The following MYO3A variants were observed in gnomAD, a reference collection of about 807,000 sequenced individuals.
MYO3A encodes myosin-IIIa.
A neutral mutation model predicts 192.7 loss-of-function variants in MYO3A; 180 were observed. The observed-to-expected ratio is 0.93, with a 90% confidence interval of 0.83 to 1.06. The LOEUF (loss-of-function observed/expected upper bound fraction) is 1.06. Among genes scored for constraint, MYO3A ranks in the 50% least tolerant of loss-of-function variants. The probability of loss-of-function intolerance (pLI) is 0.00; values close to 1 mark genes in which losing one functional copy is unlikely to be tolerated. For missense variants in MYO3A, 1,896 were observed against 1,905.0 expected (o/e 1.00, Z 0.09); for synonymous variants, 628 against 645.3 (o/e 0.97, Z 0.41).
intron 26 of MYO3A, among the ~76,000 whole-genome samples, chr10:26,159,435 C>T (rs1841366610): frequency 6.7e-6 from 1 of 148,926 alleles, no homozygotes; most frequent in South Asian, 2.1e-4. Context: ...TCTTGGCTCA[C>T]TGCAAGCTCC....
intron 14 of MYO3A, among the ~76,000 whole-genome samples, chr10:26,080,613 G>A (rs1263320432): frequency 1.4e-5 from 2 of 140,048 alleles, no homozygotes; most frequent in East Asian, 4.3e-4. Context: ...GGCGGGGGTG[G>A]GTGTTGAAGA....
chr10:26,007,217 T>C (rs1841285763), intron 6 of MYO3A, among the ~76,000 whole-genome samples: 1 of 150,264 alleles, frequency 6.7e-6, no homozygotes, highest in South Asian at 2.1e-4. Context: ...AATTAGGGAT[T>C]GATTGGACGT....
intron 17 of MYO3A, among the ~76,000 whole-genome samples, chr10:26,113,487 A>AAAC (rs398045922): frequency 6.6e-6 from 1 of 150,562 alleles, no homozygotes; most frequent in Non-Finnish European, 1.5e-5. Context: ...AAAAAAAAAA[A>AAAC]CAAAAAAAAA....
At position 26,068,798 on chromosome 10, in the gene MYO3A, T is replaced by G; in HGVS notation, c.1084T>G (p.Tyr362Asp). Reference sequence around the variant, plus strand: ...AGTCTCAGAGCAACTTGAGAAGTGTTATTCCAGAGATCAGATCTACGTCTA... The same window carrying G: ...AGTCTCAGAGCAACTTGAGAAGTGTGATTCCAGAGATCAGATCTACGTCTA... ...NTVSEQLEKC[Y>D]SRDQIYVYVG... is the part of the protein sequence containing the mutation. The change falls in exon 12 of 35, where the codon TAT becomes GAT. Residue 362 changes from tyrosine to aspartate, a missense_variant. Physicochemically the swap from Tyr to Asp is radical, Grantham distance 160 (BLOSUM62 -3). Coordinates refer to ENST00000642920, the MANE Select transcript of MYO3A (RefSeq NM_017433.5). The G allele has an allele frequency of 6.3e-7, 1 of 1,593,424 alleles. No homozygotes were observed. Among genetic ancestry groups the G allele is most frequent in the Non-Finnish European group, 8.6e-7 (1 of 1,161,374 alleles).
At chr10:26,210,951 C>T (rs1453896867) in intron 34 of MYO3A, among the ~76,000 whole-genome samples, 1 of 151,266 alleles carries the variant, frequency 6.6e-6, no homozygotes, top group Non-Finnish European at 1.5e-5. Context: ...GCCTTTCCAA[C>T]CACCCTGTAT....
intron 26 of MYO3A, among the ~76,000 whole-genome samples, chr10:26,161,919 T>C (rs745912021): frequency 6.6e-6 from 1 of 152,186 alleles, no homozygotes; most frequent in Non-Finnish European, 1.5e-5. Flanking sequence ...AGCAAACGTT[T>C]AGTTGAGGGA....
chr10:25,952,011 TA>T, intron 2 of MYO3A, 82 bp from the exon 3 acceptor site: 1 of 1,016,060 alleles, frequency 9.8e-7, no homozygotes, highest in Non-Finnish European at 1.5e-6. Context: ...TCAGTGAAAA[TA>T]TTCGCTAATT....
chr10:26,209,304 ATGTT>A (rs891063692), intron 34 of MYO3A, among the ~76,000 whole-genome samples: 46 of 152,308 alleles, frequency 3.0e-4, no homozygotes, highest in South Asian at 1.2e-3. Flanking sequence ...TGCACCTTGA[ATGTT>A]TGTTCTCTTT....
intron 6 of MYO3A, among the ~76,000 whole-genome samples, chr10:26,010,461 T>TGTTTG (rs201597907): frequency 0.028 from 3,832 of 134,940 alleles, 190 homozygotes; most frequent in African/African-American, 0.1. Flanking sequence ...TTTTTTTTTT[T>TGTTTG]TTTTTTTTTT....
chr10:26,057,595 T>A (rs1834188188), intron 10 of MYO3A, among the ~76,000 whole-genome samples: 1 of 152,182 alleles, frequency 6.6e-6, no homozygotes, highest in Non-Finnish European at 1.5e-5. Flanking sequence ...AGCTAGGAAG[T>A]CACCCTCTGG....
chr10:26,112,799 G>A (rs548156132), intron 17 of MYO3A, among the ~76,000 whole-genome samples: 34 of 152,250 alleles, frequency 2.2e-4, no homozygotes, highest in Admixed American at 9.8e-4. Flanking sequence ...CTCTGAAACC[G>A]TTAAACCATA....
chr10:26,147,312 T>A, intron 22 of MYO3A, 118 bp from the exon 23 acceptor site: 1 of 1,076,848 alleles, frequency 9.3e-7, no homozygotes, highest in Non-Finnish European at 1.4e-6. Context: ...CTTGTATCAC[T>A]GTTGCTGAAC....
chr10:26,019,762 G>A (rs139054532), intron 7 of MYO3A, among the ~76,000 whole-genome samples: 1 of 152,312 alleles, frequency 6.6e-6, no homozygotes, highest in East Asian at 1.9e-4. Context: ...TCCATTGTAT[G>A]TATAGACCAC....
chr10:26,144,663 C>T (rs556681008), intron 21 of MYO3A, among the ~76,000 whole-genome samples: 10 of 152,178 alleles, frequency 6.6e-5, no homozygotes, highest in African/African-American at 2.4e-4. Flanking sequence ...AGCAAAAACG[C>T]CAGATTTTTA....
intron 15 of MYO3A, among the ~76,000 whole-genome samples, chr10:26,091,031 G>A (rs899154543): frequency 2.0e-5 from 3 of 152,130 alleles, no homozygotes; most frequent in East Asian, 1.9e-4. Context: ...TCCTTCATTC[G>A]CCTGTTTCCT....
rs546740796 is a variant in MYO3A at position 25,952,126 on chromosome 10, G to A, written c.16G>A (p.Gly6Arg). 4 of 1,610,980 alleles carry A rather than the reference G, an allele frequency of 2.5e-6. No homozygotes were observed. The South Asian group carries it at 3.3e-5, about 13-fold the overall frequency. The change falls in exon 3 of 35, where the codon GGA (glycine) becomes AGA (arginine). Residue 6 changes from glycine (G) to arginine (R), a missense_variant. By Grantham distance (125) the Gly-to-Arg change is moderately radical. Coordinates refer to ENST00000642920, the MANE Select transcript of MYO3A (RefSeq NM_017433.5). The part of the protein sequence containing the change: MFPLI[G>R]KTIIFDNFPD... ...AACCTTTGAGATGTTTCCATTAATT[G>A]GAAAAACAATCATCTTTGATAACTT...
intron 25 of MYO3A, among the ~76,000 whole-genome samples, chr10:26,156,514 T>C (rs1841126865): frequency 2.0e-5 from 3 of 152,224 alleles, no homozygotes; most frequent in African/African-American, 7.2e-5. Flanking sequence ...TTCATATCTA[T>C]GTGAATTTTT....
At chr10:26,023,941 C>T in intron 8 of MYO3A, 81 bp from the exon 9 acceptor site, 1 of 1,218,022 alleles carries the variant, frequency 8.2e-7, no homozygotes, top group Non-Finnish European at 1.2e-6. Flanking sequence ...CCTAGGATTG[C>T]ATTAGTCTAT....
intron 26 of MYO3A, 67 bp from the exon 27 acceptor site, chr10:26,166,000 G>GA: frequency 7.6e-7 from 1 of 1,311,484 alleles, no homozygotes; most frequent in Non-Finnish European, 1.1e-6. Context: ...AGTTGTTGGG[G>GA]AACCACCAAG....
Sources: gnomAD v4.1 joint callset for allele counts (sites outside exome capture counted in the v4.1 genomes callset) on GRCh38, gnomAD v4.1.1 for gene constraint, MANE v1.5 for transcripts, NCBI Gene and HGNC (gene_info 2026-07-23, HGNC 2026-07-21) for gene names.